Variants in GRIK2 observed in about 807,000 individuals in gnomAD.
The protein encoded by GRIK2 is glutamate receptor ionotropic, kainate 2.
A neutral mutation model predicts 100.3 loss-of-function variants in GRIK2; 32 were observed. The ratio of observed to expected loss-of-function variants is 0.32; its 90% CI spans 0.24 to 0.43. The LOEUF (loss-of-function observed/expected upper bound fraction) is 0.43. GRIK2 is among the 20% of genes least tolerant of loss of function. GRIK2 has a pLI of 1.00. For missense variants in GRIK2, 843 were observed against 1,114.9 expected, an observed-to-expected ratio of 0.76 and a Z score of 3.47; for synonymous variants, 417 against 389.4, an observed-to-expected ratio of 1.07 and a Z score of -0.83.
chr6:101,571,951 G>A (rs1777558569), intron 2 of GRIK2, among the ~76,000 whole-genome samples: 1 of 152,012 alleles, frequency 6.6e-6, no homozygotes, highest in Non-Finnish European at 1.5e-5. Flanking sequence ...GAAAAAAGGT[G>A]GAAGATTACA....
chr6:101,655,551 A>C (rs1194772829), intron 4 of GRIK2, among the ~76,000 whole-genome samples: 1 of 152,220 alleles, frequency 6.6e-6, no homozygotes, highest in Admixed American at 6.5e-5. Flanking sequence ...AAGAAAAAAA[A>C]CCACTTCCTC....
At chr6:101,537,094 C>G (rs1250694144) in intron 2 of GRIK2, among the ~76,000 whole-genome samples, 1 of 151,656 alleles carries the variant, frequency 6.6e-6, no homozygotes, top group Admixed American at 6.6e-5. Flanking sequence ...AAGCAATATC[C>G]AAACAGGCCG....
At chr6:101,730,091 T>A (rs1412478278) in intron 7 of GRIK2, among the ~76,000 whole-genome samples, 2 of 151,948 alleles carry the variant, frequency 1.3e-5, no homozygotes, top group Non-Finnish European at 2.9e-5. Context: ...AGGCTGTCTT[T>A]TATTAGCTTA....
intron 10 of GRIK2, among the ~76,000 whole-genome samples, chr6:101,829,846 GC>G (rs1234758523): frequency 6.6e-6 from 1 of 151,914 alleles, no homozygotes; most frequent in Non-Finnish European, 1.5e-5. Flanking sequence ...TGTCCATACT[GC>G]CCAAAGCAAT....
At chr6:101,854,218 C>T (rs978478899) in intron 10 of GRIK2, among the ~76,000 whole-genome samples, 2 of 152,090 alleles carry the variant, frequency 1.3e-5, no homozygotes, top group African/African-American at 4.8e-5. Flanking sequence ...ACCTTCTGCT[C>T]AGTTTTGCTG....
intron 11 of GRIK2, among the ~76,000 whole-genome samples, chr6:101,868,205 T>TAA (rs561914967): frequency 0.027 from 3,650 of 136,662 alleles, 170 homozygotes; most frequent in African/African-American, 0.091. Flanking sequence ...AAATGCTTCT[T>TAA]AAAAAAAAAA....
chr6:102,038,553 G>A (rs1013662978), intron 15 of GRIK2, among the ~76,000 whole-genome samples: 31 of 151,258 alleles, frequency 2.0e-4, no homozygotes, highest in Non-Finnish European at 5.9e-5. Context: ...ATTAGCATTT[G>A]CCTTTTATGT....
intron 7 of GRIK2, among the ~76,000 whole-genome samples, chr6:101,709,957 G>T (rs1008068211): frequency 1.3e-5 from 2 of 151,796 alleles, no homozygotes; most frequent in Non-Finnish European, 1.5e-5. Flanking sequence ...GAAATACGCA[G>T]TTGGTCTAGA....
chr6:101,952,555 TA>T (rs1791664298), intron 14 of GRIK2, among the ~76,000 whole-genome samples: 1 of 152,130 alleles, frequency 6.6e-6, no homozygotes, highest in Admixed American at 6.5e-5. Context: ...CTGTTTAAAG[TA>T]AAAAGTTCAA....
chr6:102,055,035 C>T (rs532945413), intron 15 of GRIK2, among the ~76,000 whole-genome samples: 1 of 152,254 alleles, frequency 6.6e-6, no homozygotes, highest in East Asian at 1.9e-4. Context: ...TATCCGTTTT[C>T]CTTTGTGGAT....
At chr6:101,944,760 AAG>A (rs1447747698) in intron 14 of GRIK2, among the ~76,000 whole-genome samples, 1 of 152,084 alleles carries the variant, frequency 6.6e-6, no homozygotes, top group African/African-American at 2.4e-5. Context: ...AGGTCAATAA[AAG>A]TGATTTTTCA....
At chr6:101,775,218 T>G (rs1251348308) in intron 7 of GRIK2, among the ~76,000 whole-genome samples, 2 of 152,280 alleles carry the variant, frequency 1.3e-5, no homozygotes, top group East Asian at 1.9e-4. Context: ...AATCACTATT[T>G]TTTGGTAGCT....
chr6:101,648,141 A>G (rs1454036330), intron 4 of GRIK2, among the ~76,000 whole-genome samples: 1 of 152,058 alleles, frequency 6.6e-6, no homozygotes, highest in Non-Finnish European at 1.5e-5. Flanking sequence ...TTAAATAATT[A>G]TGTTTCAGAC....
chr6:101,895,355 C>A (rs1360260653), intron 12 of GRIK2, among the ~76,000 whole-genome samples: 1 of 151,654 alleles, frequency 6.6e-6, no homozygotes, highest in African/African-American at 2.4e-5. Context: ...TCCCCAGAAT[C>A]TACTCAATGG....
chr6:101,449,733 C>G (rs1459692895), intron 2 of GRIK2, among the ~76,000 whole-genome samples: 1 of 151,326 alleles, frequency 6.6e-6, no homozygotes, highest in Non-Finnish European at 1.5e-5. Flanking sequence ...ATTTAAAAAT[C>G]TATATAGCTT....
intron 7 of GRIK2, among the ~76,000 whole-genome samples, chr6:101,735,647 T>G (rs1280690634): frequency 6.6e-6 from 1 of 152,158 alleles, no homozygotes; most frequent in Non-Finnish European, 1.5e-5. Flanking sequence ...GACCCATCCC[T>G]ATTATTCAGT....
intron 2 of GRIK2, among the ~76,000 whole-genome samples, chr6:101,494,623 C>T (rs889364023): frequency 6.6e-6 from 1 of 151,706 alleles, no homozygotes; most frequent in Non-Finnish European, 1.5e-5. Context: ...TTTAAAAACA[C>T]AATACTTCAT....
At chr6:101,696,713 C>A (rs901584916) in intron 7 of GRIK2, among the ~76,000 whole-genome samples, 1 of 151,768 alleles carries the variant, frequency 6.6e-6, no homozygotes, top group African/African-American at 2.4e-5. Context: ...CAGTTATCAT[C>A]TTCATTTTAT....
chr6:102,028,126 A>G (rs13209781), intron 14 of GRIK2, among the ~76,000 whole-genome samples: 41,278 of 150,964 alleles, frequency 0.27, 6,016 homozygotes, highest in East Asian at 0.34. Flanking sequence ...TCTAGCAGAA[A>G]CTAAACTAAA....
Sources: allele counts gnomAD v4.1 joint callset (sites outside exome capture counted in the v4.1 genomes callset), GRCh38; gene constraint gnomAD v4.1.1; transcripts MANE v1.5; gene names NCBI Gene and HGNC (gene_info 2026-07-23, HGNC 2026-07-21).